Variants in NECAB3 observed in about 807,000 individuals in gnomAD.
NECAB3 encodes N-terminal EF-hand calcium binding protein 3.
NECAB3 carries 38 observed loss-of-function variants against 57.2 expected under a neutral mutation model. The observed-to-expected ratio is 0.66, with a 90% CI of 0.51 to 0.87. The LOEUF (loss-of-function observed/expected upper bound fraction) is 0.87, where lower values mean the gene tolerates loss of function less well. Among genes scored for constraint, NECAB3 ranks in the 40% least tolerant of loss-of-function variants. NECAB3 has a pLI of 0.00. For missense variants in NECAB3, 474 were observed against 527.5 expected (o/e 0.90, Z 0.99); for synonymous variants, 223 against 222.6 (o/e 1.00, Z -0.02).
rs761349068 is a variant in NECAB3 at position 33,667,886 on chromosome 20, C to A, written c.387+1489G>T. 1.1e-5 allele frequency: 18 copies of A among 1,590,964 alleles called. No homozygotes were observed. The highest frequency in any genetic ancestry group is 1.1e-5 in the Non-Finnish European group (13 of 1,169,098). ...CGCTGCCCCGAACCCATCTTCCAGC[C>A]GGGCCTGCTGGGCCAGGCTGAGCAG... On this transcript the variant is annotated intron_variant, in intron 5 of 11. Transcript: ENST00000246190.
chr20:33,659,700 GC>G lies in NECAB3; in HGVS notation c.675del (p.Leu226SerfsTer3). The G allele has an allele frequency of 6.2e-7, 1 of 1,605,792 alleles. No individual in the cohort carries two copies. ...AGCTCCTGGAGGCGGTTCACCTGGA[GC>G]CGCCACTGCATCTCGGCCTCTGAGC... Reference protein sequence around the residue: ...GRSSEAEMQWRLQVNRLQELI... With the variant: ...GRSSEAEMQWXLQVNRLQELI... On this transcript the variant is annotated frameshift_variant, in exon 8 of 12. Coordinates refer to ENST00000246190, the MANE Select transcript of NECAB3 (RefSeq NM_031232.4). LOFTEE classifies it high-confidence loss of function.
At chr20:33,672,597 A>G (rs927578416) in intron 1 of NECAB3, among the ~76,000 whole-genome samples, 175 bp from the exon 2 acceptor site, 2 of 152,194 alleles carry the variant, frequency 1.3e-5, no homozygotes, top group Admixed American at 1.3e-4. Flanking sequence ...TTTTCCTGCA[A>G]GCGGGGCACA....
At chr20:33,664,264 A>G in intron 5 of NECAB3, 1 of 188,670 alleles carries the variant, frequency 5.3e-6, no homozygotes. Context: ...GCATCCAGAA[A>G]TCCCTCTTAG....
intron 5 of NECAB3, chr20:33,665,025 G>A (rs1031623597): frequency 6.6e-6 from 1 of 152,300 alleles, no homozygotes; most frequent in African/African-American, 2.4e-5. Flanking sequence ...TACAATCAGG[G>A]TAACCATGTT....
At chr20:33,669,737 T>C (rs752310224) in intron 3 of NECAB3, 25 bp from the exon 4 acceptor site, 2 of 1,578,168 alleles carry the variant, frequency 1.3e-6, no homozygotes, top group South Asian at 1.2e-5. Flanking sequence ...GAAGGCGCCC[T>C]TCAGACCTGG....
At chr20:33,662,189 G>C (rs2017497648) in intron 5 of NECAB3, 5 of 945,948 alleles carry the variant, frequency 5.3e-6, no homozygotes, top group Non-Finnish European at 7.8e-6. Flanking sequence ...GGCTAGAAGT[G>C]ACTGAGTGGA....
At chr20:33,662,224 G>C (rs1205335848) in intron 5 of NECAB3, 21 of 1,328,454 alleles carry the variant, frequency 1.6e-5, no homozygotes, top group Non-Finnish European at 2.0e-5. Context: ...GTGGGCCCTG[G>C]AAGGCGGTGC....
chr20:33,658,750 A>G lies in NECAB3; in HGVS notation c.964T>C (p.Phe322Leu). ...AGACAATGGCTCTGGGCCCCTGTGA[A>G]GTCCACATAGCAGCGCAGGGCTCGG... ...FHRALRCYVDFTGAQSHCLHV... is the reference protein window; with the variant it reads ...FHRALRCYVDLTGAQSHCLHV... Residue 322 changes from phenylalanine (F) to leucine (L), a missense_variant, in exon 9 of 12, where the codon TTC (phenylalanine) becomes CTC (leucine). Physicochemically the swap from Phe to Leu is conservative, Grantham distance 22 (BLOSUM62 0). Transcript: ENST00000246190. 1 of 1,613,688 alleles carries G rather than the reference A, an allele frequency of 6.2e-7. No homozygotes were observed. The highest frequency in any genetic ancestry group is 8.5e-7 in the Non-Finnish European group (1 of 1,179,940).
At position 33,660,275 on chromosome 20, in the gene NECAB3, G is replaced by A; in HGVS notation, c.508C>T (p.Gln170Ter). 1 of 1,613,056 alleles carries A rather than the reference G, an allele frequency of 6.2e-7. No individual in the cohort carries two copies. The highest frequency in any genetic ancestry group is 1.1e-5 in the South Asian group (1 of 91,070). ...CTTACATACCGCCAGCCATGGGCCT[G>A]GGCCTCCAGGGTATCTGACGCCCCC... ...LEGASDTLEA[Q>*]AHGWRSDAES... is the part of the protein sequence containing the mutation. Residue 170 changes from glutamine to a stop codon, truncating the protein, a stop_gained, in exon 6 of 12, where the codon CAG becomes TAG. Coordinates refer to ENST00000246190, the MANE Select transcript of NECAB3 (RefSeq NM_031232.4). LOFTEE classifies it high-confidence loss of function. The surrounding 1 kb of genome is among the most constrained non-coding windows in gnomAD (Gnocchi z 4.1).
rs41290874 is a variant in NECAB3, at chr20:33,658,840, G to A, written c.880-6C>T. 8,098 of 1,610,372 alleles carry A rather than the reference G, an allele frequency of 5.0e-3. 29 individuals are homozygous for A. Among genetic ancestry groups the A allele is most frequent in the Non-Finnish European group, 5.4e-3 (6,364 of 1,177,830 alleles). ...CTCTGGGCCATGAGGATGTGCTGGTGGGAGAGGCAGCCGGTCAGCTGGTGC... is the reference window on the plus strand; with the variant it reads ...CTCTGGGCCATGAGGATGTGCTGGTAGGAGAGGCAGCCGGTCAGCTGGTGC... On this transcript the variant is annotated splice_polypyrimidine_tract_variant and splice_region_variant and intron_variant, in intron 8 of 11. Coordinates refer to ENST00000246190, the MANE Select transcript of NECAB3 (RefSeq NM_031232.4).
intron 2 of NECAB3, among the ~76,000 whole-genome samples, chr20:33,671,313 G>A (rs536511747): frequency 1.3e-5 from 2 of 152,306 alleles, no homozygotes; most frequent in Admixed American, 1.3e-4. Flanking sequence ...GGGCATGTAA[G>A]CAGAGGCTGG....
Position 33,659,635 on chromosome 20 carries a change from T to TGGCCCCAC in NECAB3, c.733_740dup (p.Gly248TrpfsTer148). 6.2e-7 allele frequency: 1 copy of TGGCCCCAC among 1,609,170 alleles called. No homozygotes were observed. Among genetic ancestry groups the TGGCCCCAC allele is most frequent in the Non-Finnish European group, 8.5e-7 (1 of 1,178,678 alleles). On this transcript the variant is annotated frameshift_variant, in exon 8 of 12. Transcript: ENST00000246190. LOFTEE classifies it high-confidence loss of function. ...AGGAGGGTCCTCCCTTGTGGGGCCC[T>TGGCCCCAC]GGCCCCACGGCCCTCACCTTGCACT...
At chr20:33,674,492 A>G, upstream of NECAB3, 1 of 789,000 alleles carries the variant, frequency 1.3e-6, no homozygotes, top group Non-Finnish European at 1.5e-6. Flanking sequence ...GCCCCCGCGG[A>G]CGCCGGGTTC....
chr20:33,667,326 G>A (rs2017688200), intron 5 of NECAB3: 1 of 851,702 alleles, frequency 1.2e-6, no homozygotes, highest in African/African-American at 1.8e-5. Flanking sequence ...ACGGCGTGGT[G>A]GCGGACTGGG....
In NECAB3 at chr20:33,663,892, TAA is replaced by T. The variant is rs1004271119; in HGVS notation, c.388-3499_388-3498del. On this transcript the variant is annotated intron_variant, in intron 5 of 11. Transcript: ENST00000246190. ...AACGCTTGGCCCGGACCCCGCCCAATAAAGAGTGCGTGGCAACCCTGGCGCCT... is the reference window on the plus strand; with the variant it reads ...AACGCTTGGCCCGGACCCCGCCCAATAGAGTGCGTGGCAACCCTGGCGCCT... The T allele has an allele frequency of 3.1e-5, 43 of 1,374,264 alleles. No individual in the cohort carries two copies. In the African/African-American group the frequency reaches 4.6e-4, roughly 15 times the overall value. The allele number at this position is 1,374,264 out of a possible 1,614,324, so 85.1% of individuals were successfully genotyped here. A position where few individuals can be genotyped will look rare whatever the true frequency, so the allele number is the denominator to read the frequency against.
At chr20:33,671,023 C>G (rs564777376) in intron 2 of NECAB3, among the ~76,000 whole-genome samples, 26 of 152,220 alleles carry the variant, frequency 1.7e-4, no homozygotes, top group Non-Finnish European at 3.2e-4. Context: ...ACCAAAGGGA[C>G]AGGGCAGTAT....
intron 5 of NECAB3, chr20:33,669,019 T>C (rs2017765447): frequency 7.0e-6 from 2 of 285,142 alleles, no homozygotes; most frequent in Non-Finnish European, 1.3e-5. Flanking sequence ...CTGAATGATA[T>C]CCCACCACAG....
upstream of NECAB3, among the ~76,000 whole-genome samples, chr20:33,675,089 T>C (rs1601182752): frequency 6.6e-6 from 1 of 151,666 alleles, no homozygotes; most frequent in African/African-American, 2.4e-5. Flanking sequence ...CCACACTGCT[T>C]TCTCTCCGGT....
Position 33,659,881 on chromosome 20 carries a change from G to A in NECAB3, c.643+4C>T, listed in dbSNP as rs369312658. The A allele has an allele frequency of 1.2e-4, 181 of 1,543,420 alleles. No individual in the cohort carries two copies. Among genetic ancestry groups the A allele is most frequent in the Non-Finnish European group, 1.5e-4 (170 of 1,147,082 alleles). On this transcript the variant is annotated splice_donor_region_variant and intron_variant, in intron 7 of 11. Coordinates refer to ENST00000246190, the MANE Select transcript of NECAB3 (RefSeq NM_031232.4). ...CCAGGCCTCCCACCCCACCCCAGGC[G>A]CACCTGTGTCAGAAGAGCCGGGGGA...
Sources: gnomAD v4.1 joint callset for allele counts (sites outside exome capture counted in the v4.1 genomes callset) on GRCh38, gnomAD v4.1.1 for gene constraint, Gnocchi (gnomAD v3.1) non-coding constraint, MANE v1.5 for transcripts, NCBI Gene and HGNC (gene_info 2026-07-23, HGNC 2026-07-21) for gene names.